NAALADL2: variants seen among roughly 807,000 people sequenced by gnomAD.
The protein encoded by NAALADL2 is inactive N-acetylated-alpha-linked acidic dipeptidase-like protein 2.
In NAALADL2, 76 loss-of-function variants were observed where a neutral mutation model predicts 87.2. The ratio of observed to expected loss-of-function variants is 0.87; its 90% CI spans 0.72 to 1.05. The LOEUF (loss-of-function observed/expected upper bound fraction) is 1.05, where lower values mean the gene tolerates loss of function less well. Ranked by LOEUF, NAALADL2 falls within the 50% of genes least tolerant of loss-of-function variation. The pLI is 0.00. For synonymous variants in NAALADL2, 354 were observed against 331.0 expected, an observed-to-expected ratio of 1.07 and a Z score of -0.75; for missense variants, 1,089 against 945.8, an observed-to-expected ratio of 1.15 and a Z score of -1.99.
At chr3:175,256,268 T>A (rs1477677484) in intron 3 of NAALADL2, 143 bp from the exon 4 acceptor site, 8 of 646,740 alleles carry the variant, frequency 1.2e-5, no homozygotes, top group Non-Finnish European at 1.9e-5. Context: ...ATGTTTATGG[T>A]AATTGGGACA....
intron 9 of NAALADL2, among the ~76,000 whole-genome samples, chr3:175,484,799 T>C (rs78605163): frequency 0.019 from 2,897 of 152,258 alleles, 97 homozygotes; most frequent in African/African-American, 0.065. Flanking sequence ...ACTTGATCTT[T>C]TTTTCTTTGC....
intron 3 of NAALADL2, among the ~76,000 whole-genome samples, chr3:175,237,175 C>T (rs1746051759): frequency 6.6e-6 from 1 of 151,806 alleles, no homozygotes; most frequent in African/African-American, 2.4e-5. Flanking sequence ...TAGCTTCAAC[C>T]TTCTTACTTT....
chr3:174,524,165 T>C (rs1284164928), intron 1 of NAALADL2, among the ~76,000 whole-genome samples: 1 of 152,242 alleles, frequency 6.6e-6, no homozygotes, highest in East Asian at 1.9e-4. Context: ...ATAATTTAGC[T>C]ACATTAAAGT....
chr3:175,221,786 T>TTTATTTATTTA (rs1743413036), intron 2 of NAALADL2, among the ~76,000 whole-genome samples: 1 of 151,682 alleles, frequency 6.6e-6, no homozygotes, highest in Non-Finnish European at 1.5e-5. Context: ...TATTTATTTA[T>TTTATTTATTTA]TTTTTTGGAG....
At chr3:175,131,727 A>C in intron 2 of NAALADL2, among the ~76,000 whole-genome samples, 1 of 150,006 alleles carries the variant, frequency 6.7e-6, no homozygotes, top group Non-Finnish European at 1.5e-5. Flanking sequence ...GGCCGGGCAG[A>C]GGCGCCCCTC....
intron 2 of NAALADL2, among the ~76,000 whole-genome samples, chr3:174,608,878 CA>C (rs1393294146): frequency 6.6e-6 from 1 of 151,966 alleles, no homozygotes; most frequent in Non-Finnish European, 1.5e-5. Flanking sequence ...AATTCTAGAC[CA>C]ATATCCTTGA....
At chr3:174,564,772 A>G (rs955454382) in intron 2 of NAALADL2, among the ~76,000 whole-genome samples, 3 of 152,002 alleles carry the variant, frequency 2.0e-5, no homozygotes, top group African/African-American at 7.2e-5. Context: ...TAGCAATTTA[A>G]TTATATCTTG....
At chr3:174,540,599 A>G (rs1207036348) in intron 1 of NAALADL2, 1 of 152,202 alleles carries the variant, frequency 6.6e-6, no homozygotes, top group African/African-American at 2.4e-5. Context: ...AATTTTACAC[A>G]CTACATTAGA....
chr3:175,542,566 G>A (rs561741153), intron 9 of NAALADL2, among the ~76,000 whole-genome samples: 1 of 152,192 alleles, frequency 6.6e-6, no homozygotes, highest in South Asian at 2.1e-4. Context: ...TGCCATGTTG[G>A]CCAGGCTGGT....
In NAALADL2 at chr3:175,054,528, G is replaced by A. The variant is rs376145537; in HGVS notation, c.44-42262G>A. ...TTTCGAAAACTGGAAAATTCCAAGG[G>A]GAAAATGTTGGAGCTATGTGCTCAT... On this transcript the variant is annotated intron_variant, in intron 1 of 13. Coordinates refer to ENST00000454872, the MANE Select transcript of NAALADL2 (RefSeq NM_207015.3). Among the ~76,000 whole-genome samples, 10 of 152,176 alleles carry A rather than the reference G, an allele frequency of 6.6e-5. No homozygotes were observed. In the East Asian group the frequency reaches 1.9e-3, roughly 29 times the overall value.
chr3:175,797,621 A>G (rs1231162422), intron 13 of NAALADL2, among the ~76,000 whole-genome samples: 2 of 152,084 alleles, frequency 1.3e-5, no homozygotes, highest in African/African-American at 4.8e-5. Context: ...TTGACTGGCT[A>G]TTGGTCAGTT....
chr3:174,684,058 C>T (rs59628147), intron 2 of NAALADL2, among the ~76,000 whole-genome samples: 13,475 of 151,956 alleles, frequency 0.089, 835 homozygotes, highest in South Asian at 0.27. Flanking sequence ...AGATTACTTA[C>T]TAAAAGAAGT....
chr3:174,693,113 A>G (rs1411664318), intron 2 of NAALADL2, among the ~76,000 whole-genome samples: 1 of 152,012 alleles, frequency 6.6e-6, no homozygotes, highest in Admixed American at 6.6e-5. Context: ...TTCTTCCAGT[A>G]CTGCTCTTAG....
intron 4 of NAALADL2, among the ~76,000 whole-genome samples, chr3:175,279,948 A>G (rs1754072870): frequency 6.6e-6 from 1 of 152,054 alleles, no homozygotes; most frequent in African/African-American, 2.4e-5. Flanking sequence ...AATTTATGTT[A>G]AGAAATTGTG....
chr3:175,417,853 G>A (rs1292620250), intron 5 of NAALADL2, among the ~76,000 whole-genome samples: 2 of 152,110 alleles, frequency 1.3e-5, no homozygotes, highest in Admixed American at 6.6e-5. Context: ...AATACATTGA[G>A]TATTGAAAGC....
intron 3 of NAALADL2, among the ~76,000 whole-genome samples, chr3:174,834,685 A>G (rs969381165): frequency 1.3e-5 from 2 of 151,894 alleles, no homozygotes; most frequent in Non-Finnish European, 2.9e-5. Context: ...TATAAAAATA[A>G]CACCATTTAC....
chr3:175,303,444 A>G (rs754176475), intron 4 of NAALADL2, among the ~76,000 whole-genome samples: 17 of 152,292 alleles, frequency 1.1e-4, no homozygotes, highest in East Asian at 1.9e-4. Flanking sequence ...GCATAGTTTT[A>G]ACAAGGAGTA....
intron 5 of NAALADL2, among the ~76,000 whole-genome samples, chr3:175,423,304 A>T (rs1288942785): frequency 3.3e-5 from 5 of 150,250 alleles, no homozygotes; most frequent in Admixed American, 6.7e-5. Flanking sequence ...TTAGGGTACA[A>T]GTGCACAACG....
At chr3:175,506,056 C>T (rs557757649) in intron 9 of NAALADL2, among the ~76,000 whole-genome samples, 2 of 152,224 alleles carry the variant, frequency 1.3e-5, no homozygotes, top group African/African-American at 4.8e-5. Flanking sequence ...AGAATTCTGA[C>T]TACTGCCATC....
Sources: allele counts gnomAD v4.1 joint callset (sites outside exome capture counted in the v4.1 genomes callset), GRCh38; gene constraint gnomAD v4.1.1; transcripts MANE v1.5; gene names NCBI Gene and HGNC (gene_info 2026-07-23, HGNC 2026-07-21).